Variants in DGKI observed in about 807,000 individuals in gnomAD.
The protein encoded by DGKI is DAG kinase iota.
In DGKI, 55 loss-of-function variants were observed where a neutral mutation model predicts 147.5. That is an observed-to-expected ratio of 0.37 (90% CI 0.30 to 0.47). The LOEUF (loss-of-function observed/expected upper bound fraction) is 0.47, where lower values mean the gene tolerates loss of function less well. DGKI is among the 20% of genes least tolerant of loss of function. The pLI, the probability that DGKI is intolerant of heterozygous loss-of-function variation, is 1.00. For missense variants in DGKI, 1,007 were observed against 1,323.8 expected (o/e 0.76, Z 3.71); for synonymous variants, 469 against 477.1 (o/e 0.98, Z 0.22).
In DGKI at chr7:137,571,244, G is replaced by A. The variant is rs926312060; in HGVS notation, c.1878C>T (p.His626=). ...GTMPWGNPGD[H]HDFEPQRHDD... is the part of the protein sequence containing the mutation. ...CATGACGCTGAGGTTCGAAATCATG[G>A]TGATCACCTGGGTTTCCCCAGGGCA... is the stretch of plus-strand genomic sequence containing the variant. Residue 626 remains histidine, a synonymous_variant, in exon 19 of 33, where the codon CAC becomes CAT. Coordinates refer to ENST00000614521, the MANE Select transcript of DGKI (RefSeq NM_001321708.2). The A allele has an allele frequency of 6.2e-7, 1 of 1,613,130 alleles. No individual in the cohort carries two copies. The highest frequency in any genetic ancestry group is 8.5e-7 in the Non-Finnish European group (1 of 1,179,878).
chr7:137,789,227 TG>T (rs1322444176), intron 1 of DGKI, among the ~76,000 whole-genome samples: 1 of 152,172 alleles, frequency 6.6e-6, no homozygotes, highest in Non-Finnish European at 1.5e-5. Flanking sequence ...TTTTACTTTT[TG>T]TTTCTCATTT....
At chr7:137,400,639 G>A (rs1390961159) in intron 30 of DGKI, among the ~76,000 whole-genome samples, 3 of 152,032 alleles carry the variant, frequency 2.0e-5, no homozygotes, top group Admixed American at 6.5e-5. Flanking sequence ...GCATGCCCGC[G>A]GCTACCCATC....
At chr7:137,459,976 A>G (rs551668219) in intron 27 of DGKI, among the ~76,000 whole-genome samples, 17 of 152,280 alleles carry the variant, frequency 1.1e-4, no homozygotes, top group African/African-American at 3.4e-4. Context: ...TACTATGAAT[A>G]CTACGTTAGC....
At chr7:137,500,955 T>A (rs1816149448) in intron 21 of DGKI, among the ~76,000 whole-genome samples, 1 of 152,126 alleles carries the variant, frequency 6.6e-6, no homozygotes, top group South Asian at 2.1e-4. Flanking sequence ...TATAGAACCA[T>A]AAAGGTTATT....
intron 1 of DGKI, among the ~76,000 whole-genome samples, chr7:137,759,603 A>C (rs1230702939): frequency 6.6e-6 from 1 of 152,102 alleles, no homozygotes; most frequent in Non-Finnish European, 1.5e-5. Context: ...CAGCCTCCCA[A>C]AGTGCTAGGA....
chr7:137,693,239 C>T (rs1823671371), intron 1 of DGKI, among the ~76,000 whole-genome samples: 1 of 151,902 alleles, frequency 6.6e-6, no homozygotes, highest in African/African-American at 2.4e-5. Flanking sequence ...GCAATTTGCT[C>T]CTATTAAAAA....
intron 28 of DGKI, among the ~76,000 whole-genome samples, chr7:137,416,377 G>A (rs1161945229): frequency 1.3e-5 from 2 of 152,306 alleles, no homozygotes; most frequent in African/African-American, 4.8e-5. Flanking sequence ...AATTAACAAA[G>A]AAGCTTTGAA....
At chr7:137,558,351 C>T (rs967329507) in intron 19 of DGKI, among the ~76,000 whole-genome samples, 5 of 152,168 alleles carry the variant, frequency 3.3e-5, no homozygotes, top group Admixed American at 1.3e-4. Flanking sequence ...ACGATCTCGG[C>T]TGACTGCAAC....
chr7:137,707,466 G>T (rs1374695740), intron 1 of DGKI, among the ~76,000 whole-genome samples: 2 of 152,208 alleles, frequency 1.3e-5, no homozygotes, highest in African/African-American at 4.8e-5. Context: ...ATGTTCAACT[G>T]TAATTCCCAA....
chr7:137,796,834 C>G (rs535678925), intron 1 of DGKI, among the ~76,000 whole-genome samples: 1 of 151,960 alleles, frequency 6.6e-6, no homozygotes, highest in Non-Finnish European at 1.5e-5. Context: ...GCCAGCATAC[C>G]AACATACATG....
intron 21 of DGKI, among the ~76,000 whole-genome samples, chr7:137,500,277 T>C (rs1242819159): frequency 6.6e-6 from 1 of 152,214 alleles, no homozygotes; most frequent in East Asian, 1.9e-4. Flanking sequence ...AAATGTCTCA[T>C]AATCCAGACT....
chr7:137,717,914 T>C (rs1227384707), intron 1 of DGKI, among the ~76,000 whole-genome samples: 1 of 152,170 alleles, frequency 6.6e-6, no homozygotes, highest in Non-Finnish European at 1.5e-5. Flanking sequence ...CCTTTTAGAA[T>C]CCTTGTTGCA....
chr7:137,745,750 A>G (rs991996433), intron 1 of DGKI, among the ~76,000 whole-genome samples: 1 of 152,198 alleles, frequency 6.6e-6, no homozygotes, highest in African/African-American at 2.4e-5. Flanking sequence ...CTTTCAGTGA[A>G]TAGATGAGAG....
intron 1 of DGKI, among the ~76,000 whole-genome samples, chr7:137,802,192 A>T (rs1322752057): frequency 6.6e-6 from 1 of 152,124 alleles, no homozygotes. Context: ...AGCTATGAGG[A>T]GGCAAAGACA....
intron 1 of DGKI, among the ~76,000 whole-genome samples, chr7:137,721,248 C>T (rs1794547754): frequency 6.6e-6 from 1 of 152,180 alleles, no homozygotes; most frequent in South Asian, 2.1e-4. Context: ...CTACTACAAA[C>T]AATCCTACAA....
chr7:137,510,541 A>C (rs1816545941), intron 21 of DGKI, among the ~76,000 whole-genome samples: 1 of 152,274 alleles, frequency 6.6e-6, no homozygotes, highest in South Asian at 2.1e-4. Context: ...CTAGCCAGAT[A>C]CATCTGAAAA....
chr7:137,478,485 A>C (rs1172957963), intron 23 of DGKI, among the ~76,000 whole-genome samples: 1 of 152,236 alleles, frequency 6.6e-6, no homozygotes, highest in Non-Finnish European at 1.5e-5. Context: ...GTTAATAGAC[A>C]GGTATTACTG....
At chr7:137,839,546 C>A (rs1585556296) in intron 1 of DGKI, among the ~76,000 whole-genome samples, 1 of 152,152 alleles carries the variant, frequency 6.6e-6, no homozygotes, top group East Asian at 1.9e-4. Flanking sequence ...ACTACTATCA[C>A]TACCATTTTG....
chr7:137,806,666 T>C (rs569815459), intron 1 of DGKI, among the ~76,000 whole-genome samples: 237 of 152,152 alleles, frequency 1.6e-3, no homozygotes, highest in African/African-American at 5.6e-3. Context: ...ATCTCCTGAC[T>C]TCGTGATCTG....
Sources: allele counts gnomAD v4.1 joint callset (sites outside exome capture counted in the v4.1 genomes callset), GRCh38; gene constraint gnomAD v4.1.1; transcripts MANE v1.5; gene names NCBI Gene and HGNC (gene_info 2026-07-23, HGNC 2026-07-21).